UNC5C: variants seen among roughly 807,000 people sequenced by gnomAD.
UNC5C encodes the protein unc-5 netrin receptor C, also known as netrin receptor UNC5C.
UNC5C carries 47 observed loss-of-function variants against 99.8 expected under a neutral mutation model. That is an observed-to-expected ratio of 0.47 (90% CI 0.37 to 0.60). The LOEUF (loss-of-function observed/expected upper bound fraction) is 0.60. Ranked by LOEUF, UNC5C falls within the 20% of genes least tolerant of loss-of-function variation. The pLI, the probability that UNC5C is intolerant of heterozygous loss-of-function variation, is 0.00. For missense variants in UNC5C, 1,062 were observed against 1,165.9 expected (o/e 0.91, Z 1.30); for synonymous variants, 487 against 452.2 (o/e 1.08, Z -0.98).
At chr4:95,316,996 T>A (rs1742500875) in intron 2 of UNC5C, among the ~76,000 whole-genome samples, 1 of 146,084 alleles carries the variant, frequency 6.8e-6, no homozygotes, top group South Asian at 2.2e-4. Context: ...AGAACACATA[T>A]GCCAAAATAA....
At chr4:95,439,502 T>C (rs541597315) in intron 1 of UNC5C, among the ~76,000 whole-genome samples, 1 of 152,072 alleles carries the variant, frequency 6.6e-6, no homozygotes, top group East Asian at 1.9e-4. Flanking sequence ...ATGCTTTTGA[T>C]AGATGAAAGA....
chr4:95,287,197 T>C (rs1216123792), intron 3 of UNC5C, among the ~76,000 whole-genome samples: 2 of 152,204 alleles, frequency 1.3e-5, no homozygotes, highest in African/African-American at 2.4e-5. Context: ...ATTTCATAAA[T>C]TCATATTTTA....
chr4:95,172,130 T>C (rs1309132176), intron 14 of UNC5C, among the ~76,000 whole-genome samples: 1 of 149,234 alleles, frequency 6.7e-6, no homozygotes, highest in Non-Finnish European at 1.5e-5. Context: ...TTGTAGATTC[T>C]GGATATTAGC....
intron 1 of UNC5C, among the ~76,000 whole-genome samples, chr4:95,430,198 G>C (rs1746596155): frequency 6.6e-6 from 1 of 152,072 alleles, no homozygotes; most frequent in Non-Finnish European, 1.5e-5. Flanking sequence ...TTCATCAACT[G>C]TAAGAAATGT....
intron 1 of UNC5C, among the ~76,000 whole-genome samples, chr4:95,507,414 C>G (rs7698621): frequency 0.094 from 14,267 of 152,046 alleles, 1,082 homozygotes; most frequent in African/African-American, 0.2. Context: ...CACCCCTCTT[C>G]CTGGTTCTCT....
chr4:95,343,138 A>G (rs770589354), intron 1 of UNC5C, among the ~76,000 whole-genome samples: 12 of 152,110 alleles, frequency 7.9e-5, no homozygotes, highest in Non-Finnish European at 1.8e-4. Flanking sequence ...TTTTGCTGCC[A>G]GAGCCCTAGG....
chr4:95,242,370 C>G (rs575654229), intron 7 of UNC5C, 59 bp downstream of exon 7: 1 of 1,595,674 alleles, frequency 6.3e-7, no homozygotes, highest in African/African-American at 1.4e-5. Context: ...CCTTAAAAAA[C>G]TCCAAATGGT....
intron 1 of UNC5C, among the ~76,000 whole-genome samples, chr4:95,539,277 T>TC (rs1458225786): frequency 6.6e-6 from 1 of 152,200 alleles, no homozygotes; most frequent in Admixed American, 6.5e-5. Flanking sequence ...GCAGTTCTCC[T>TC]CCACGGCTTT....
rs565999029 is a variant in UNC5C, at chr4:95,417,146, A to G, written c.125-81515T>C. ...CTCCATATGCTTTTCTTGCTCTTACATATATTTTTAATACATTTCAAAATG... is the reference window on the plus strand; with the variant it reads ...CTCCATATGCTTTTCTTGCTCTTACGTATATTTTTAATACATTTCAAAATG... On this transcript the variant is annotated intron_variant, in intron 1 of 15. Transcript: ENST00000453304. 7.9e-5 allele frequency among the ~76,000 whole-genome samples: 12 copies of G among 152,296 alleles called. No individual in the cohort carries two copies. In the South Asian group the frequency reaches 2.3e-3, roughly 29 times the overall value.
chr4:95,412,935 T>G (rs1208531260), intron 1 of UNC5C, among the ~76,000 whole-genome samples: 1 of 152,210 alleles, frequency 6.6e-6, no homozygotes, highest in African/African-American at 2.4e-5. Context: ...TTCCCTGGCA[T>G]GAGTACTTAC....
intron 1 of UNC5C, among the ~76,000 whole-genome samples, chr4:95,433,161 T>C (rs982428047): frequency 3.9e-5 from 6 of 152,094 alleles, no homozygotes; most frequent in Admixed American, 2.0e-4. Context: ...TCTAAGAGAT[T>C]TGTGTTTATA....
intron 2 of UNC5C, among the ~76,000 whole-genome samples, chr4:95,330,130 G>C (rs1371359874): frequency 6.6e-6 from 1 of 151,852 alleles, no homozygotes; most frequent in Admixed American, 6.6e-5. Flanking sequence ...AAATGCCTTA[G>C]GTCTTTTAGT....
intron 1 of UNC5C, among the ~76,000 whole-genome samples, chr4:95,391,757 T>TA (rs61515733): frequency 0.05 from 6,309 of 125,772 alleles, 188 homozygotes; most frequent in African/African-American, 0.073. Flanking sequence ...CCTTTCATGG[T>TA]AAAAAAAAAA....
intron 1 of UNC5C, among the ~76,000 whole-genome samples, chr4:95,408,096 A>G (rs1388948333): frequency 6.6e-6 from 1 of 152,194 alleles, no homozygotes; most frequent in Non-Finnish European, 1.5e-5. Context: ...TAATTCCATT[A>G]TGTTGTTAAT....
intron 1 of UNC5C, among the ~76,000 whole-genome samples, chr4:95,339,933 T>G (rs1422113336): frequency 6.6e-6 from 1 of 152,126 alleles, no homozygotes; most frequent in African/African-American, 2.4e-5. Flanking sequence ...TCCTCTGATA[T>G]TTGACTTAAT....
rs780409945 is a variant in UNC5C at position 95,202,893 on chromosome 4, G to A, written c.1974C>T (p.His658=). 3.2e-5 allele frequency: 52 copies of A among 1,614,118 alleles called. No homozygotes were observed. Among genetic ancestry groups the A allele is most frequent in the Non-Finnish European group, 4.3e-5 (51 of 1,180,050 alleles). The change falls in exon 12 of 16, where the codon CAC becomes CAT. Residue 658 remains histidine (H), a synonymous_variant. Coordinates refer to ENST00000453304, the MANE Select transcript of UNC5C (RefSeq NM_003728.4). ...AGGTGCTGAGGTTCTCTGTGAGGAT[G>A]TGGCAGGCCTCTGCATCCAGCTGAA... The part of the protein sequence containing the change: ...CYIQLDAEAC[H]ILTENLSTYA...
intron 1 of UNC5C, among the ~76,000 whole-genome samples, chr4:95,534,587 T>C (rs1290790095): frequency 6.6e-6 from 1 of 152,158 alleles, no homozygotes; most frequent in Non-Finnish European, 1.5e-5. Flanking sequence ...CTAGAAAACA[T>C]TTTCAAGTAG....
intron 1 of UNC5C, among the ~76,000 whole-genome samples, chr4:95,337,956 C>T (rs1366032070): frequency 6.6e-6 from 1 of 151,968 alleles, no homozygotes; most frequent in Non-Finnish European, 1.5e-5. Context: ...TAAAGTCAAG[C>T]CTATGCCCTG....
intron 7 of UNC5C, among the ~76,000 whole-genome samples, chr4:95,226,853 G>T (rs376978739): frequency 1.8e-4 from 27 of 152,168 alleles, no homozygotes; most frequent in East Asian, 1.5e-3. Context: ...AGGATTAGGT[G>T]GTTGTTTTTT....
Sources: allele counts gnomAD v4.1 joint callset (sites outside exome capture counted in the v4.1 genomes callset), GRCh38; gene constraint gnomAD v4.1.1; transcripts MANE v1.5; gene names NCBI Gene and HGNC (gene_info 2026-07-23, HGNC 2026-07-21).